CAMKK2: variants seen among roughly 807,000 people sequenced by gnomAD.
CAMKK2 encodes the protein calcium/calmodulin-dependent protein kinase kinase 2.
A neutral mutation model predicts 67.2 loss-of-function variants in CAMKK2; 30 were observed. The observed-to-expected ratio is 0.45, with a 90% CI of 0.33 to 0.61. CAMKK2 has a LOEUF of 0.61. Among genes scored for constraint, CAMKK2 ranks in the 20% least tolerant of loss-of-function variants. The pLI is 0.02. For synonymous variants in CAMKK2, 322 were observed against 326.2 expected (o/e 0.99, Z 0.14); for missense variants, 643 against 802.0 (o/e 0.80, Z 2.39).
chr12:121,297,015 C>G (rs545828630), upstream of CAMKK2: 430 of 153,144 alleles, frequency 2.8e-3, 1 homozygote, highest in Non-Finnish European at 4.5e-3. Flanking sequence ...AAGAGAGGCC[C>G]GGCCGGGAGG....
chr12:121,271,077 C>A (rs1895663830), intron 2 of CAMKK2, 132 bp from the exon 3 acceptor site: 3 of 687,096 alleles, frequency 4.4e-6, no homozygotes, highest in Non-Finnish European at 7.8e-6. Context: ...GAGTTCCAGA[C>A]CAGCCTGGCC....
chr12:121,280,493 C>T (rs936466821), intron 1 of CAMKK2, among the ~76,000 whole-genome samples: 4 of 152,210 alleles, frequency 2.6e-5, no homozygotes, highest in African/African-American at 9.7e-5. Context: ...AGCAATCGTT[C>T]AGGGAATAAG....
intron 1 of CAMKK2, among the ~76,000 whole-genome samples, chr12:121,283,098 C>T (rs1898101413): frequency 1.3e-5 from 2 of 152,304 alleles, no homozygotes; most frequent in Admixed American, 6.5e-5. Context: ...GACTTGGTCA[C>T]GGCTTCTCTA....
intron 1 of CAMKK2, among the ~76,000 whole-genome samples, chr12:121,278,471 C>T (rs1194352984): frequency 1.3e-5 from 2 of 152,198 alleles, no homozygotes; most frequent in Non-Finnish European, 2.9e-5. Context: ...GTGTCCTCTC[C>T]CAAATCTCAC....
At chr12:121,266,796 G>A (rs894642373) in intron 5 of CAMKK2, among the ~76,000 whole-genome samples, 33 of 151,594 alleles carry the variant, frequency 2.2e-4, no homozygotes, top group African/African-American at 8.0e-4. Flanking sequence ...CTGGCTGTTT[G>A]TTCTTATCTA....
At position 121,288,056 on chromosome 12, in the gene CAMKK2, C is replaced by T. The variant is rs190105109; in HGVS notation, c.-60+8582G>A. ...CCAGCCTTGAAGTGTGAGGAGCTTA[C>T]GAATGTGTGGGTGAGTTTGGGTATG... On this transcript the variant is annotated intron_variant, in intron 1 of 16. Coordinates refer to ENST00000404169, the MANE Select transcript of CAMKK2 (RefSeq NM_001270485.2). Among the ~76,000 whole-genome samples the T allele has an allele frequency of 5.3e-5, 8 of 152,196 alleles. No individual in the cohort carries two copies. In the East Asian group the frequency reaches 7.7e-4, roughly 15 times the overall value.
intron 2 of CAMKK2, among the ~76,000 whole-genome samples, chr12:121,273,054 G>C (rs145464912): frequency 7.2e-5 from 11 of 152,250 alleles, no homozygotes; most frequent in African/African-American, 2.6e-4. Flanking sequence ...TGGAGCTTAC[G>C]TTCTGGCTGG....
intron 1 of CAMKK2, among the ~76,000 whole-genome samples, chr12:121,289,090 G>A (rs1352357868): frequency 6.6e-6 from 1 of 152,080 alleles, no homozygotes; most frequent in Non-Finnish European, 1.5e-5. Context: ...CCAACCAAAA[G>A]AGCGGGCTGG....
In CAMKK2 at chr12:121,276,467, T is replaced by C. The variant is rs144159880; in HGVS notation, c.-59-1882A>G. The stretch of plus-strand genomic sequence containing the variant: ...AGCCTGGGTGACTGAACAAGACTCA[T>C]CTCAAAAAATAAAAATAAAAAAGAT... On this transcript the variant is annotated intron_variant, in intron 1 of 16. Transcript: ENST00000404169. Among the ~76,000 whole-genome samples, 739 of 152,138 alleles carry C rather than the reference T, an allele frequency of 4.9e-3. 13 individuals carry two copies. In the South Asian group the frequency reaches 0.049, roughly 10 times the overall value.
chr12:121,260,558 T>C, intron 6 of CAMKK2: 1 of 588,278 alleles, frequency 1.7e-6, no homozygotes, highest in African/African-American at 1.9e-5. Context: ...GGAAAATAAA[T>C]GCCTCTCTGT....
intron 7 of CAMKK2, among the ~76,000 whole-genome samples, chr12:121,259,316 G>A (rs1471460452): frequency 3.3e-5 from 5 of 152,094 alleles, no homozygotes; most frequent in Admixed American, 3.3e-4. Context: ...CGGTGTTGTC[G>A]CTTTCAAAAC....
Position 121,238,019 on chromosome 12 carries a change from C to T in CAMKK2, c.*2680G>A, listed in dbSNP as rs967487455. On this transcript the variant is annotated 3_prime_UTR_variant, in exon 17 of 17. Transcript: ENST00000404169. ...TGGAGGTCATGGTTCTTCCACTCGGCAACGTGAAGCTCCCCGCTGGAAGAC... is the reference window on the plus strand; with the variant it reads ...TGGAGGTCATGGTTCTTCCACTCGGTAACGTGAAGCTCCCCGCTGGAAGAC... 2.0e-5 allele frequency: 3 copies of T among 152,638 alleles called. No individual in the cohort carries two copies. Among genetic ancestry groups the T allele is most frequent in the African/African-American group, 7.2e-5 (3 of 41,450 alleles). The allele number at this position is 152,638 out of a possible 1,614,324, so 9.5% of individuals were successfully genotyped here.
At chr12:121,271,004 G>T in intron 2 of CAMKK2, 59 bp from the exon 3 acceptor site, 1 of 1,416,394 alleles carries the variant, frequency 7.1e-7, no homozygotes, top group Non-Finnish European at 1.0e-6. Flanking sequence ...TAGAGGCCAG[G>T]CACGGTGGCT....
intron 4 of CAMKK2, 134 bp from the exon 5 acceptor site, chr12:121,268,823 T>C: frequency 1.3e-6 from 1 of 774,940 alleles, no homozygotes; most frequent in Non-Finnish European, 2.2e-6. Flanking sequence ...CAGGCTCAGG[T>C]CAACAGAGTG....
At position 121,285,547 on chromosome 12, in the gene CAMKK2, G is replaced by A. The variant is rs575991059; in HGVS notation, c.-59-10962C>T. ...GTGTGGGCCAGGCATGGTGGCTCAC[G>A]CCTGTGCTCCTAGCACTGTGGAAGT... On this transcript the variant is annotated intron_variant, in intron 1 of 16. Coordinates refer to ENST00000404169, the MANE Select transcript of CAMKK2 (RefSeq NM_001270485.2). This position sits in a 1 kb window ranked among gnomAD's most constrained non-coding sequence, Gnocchi z 4.1. 3.9e-5 allele frequency among the ~76,000 whole-genome samples: 6 copies of A among 152,188 alleles called. No homozygotes were observed. The South Asian group carries it at 6.2e-4, about 16-fold the overall frequency.
rs148272636 is a variant in CAMKK2, at chr12:121,257,180, C to T, written c.797-1376G>A. On this transcript the variant is annotated intron_variant, in intron 7 of 16. Transcript: ENST00000404169. The stretch of plus-strand genomic sequence containing the variant: ...GATGGGATTATTATGCACTGCATGC[C>T]GGTATTAAAACATCTCATGTAACCT... Among the ~76,000 whole-genome samples the T allele has an allele frequency of 5.8e-3, 887 of 152,068 alleles. 12 individuals carry two copies. The highest frequency in any genetic ancestry group is 0.018 in the African/African-American group (763 of 41,478).
chr12:121,259,679 G>A (rs112950825), intron 7 of CAMKK2, among the ~76,000 whole-genome samples: 1,852 of 152,162 alleles, frequency 0.012, 44 homozygotes, highest in African/African-American at 0.042. Context: ...TTTTAGCCTT[G>A]TCCTAGATGA....
intron 1 of CAMKK2, among the ~76,000 whole-genome samples, chr12:121,274,796 TTTTTTTTTC>T (rs970871907): frequency 2.6e-5 from 3 of 117,464 alleles, no homozygotes; most frequent in African/African-American, 1.1e-4. Flanking sequence ...TTATTTTTTC[TTTTTTTTTC>T]TTTTTTTTTT....
intron 1 of CAMKK2, among the ~76,000 whole-genome samples, chr12:121,293,996 G>A (rs1445820398): frequency 6.6e-6 from 1 of 152,032 alleles, no homozygotes; most frequent in Non-Finnish European, 1.5e-5. Flanking sequence ...GCAATGGCAC[G>A]ATCTCAGCAC....
Sources: gnomAD v4.1 joint callset for allele counts (sites outside exome capture counted in the v4.1 genomes callset) on GRCh38, gnomAD v4.1.1 for gene constraint, Gnocchi (gnomAD v3.1) non-coding constraint, MANE v1.5 for transcripts, NCBI Gene and HGNC (gene_info 2026-07-23, HGNC 2026-07-21) for gene names.